The following DAAM1 variants were observed in gnomAD, a reference collection of about 807,000 sequenced individuals.
DAAM1 encodes the protein dishevelled associated activator of morphogenesis 1, also known as disheveled-associated activator of morphogenesis 1.
In DAAM1, 52 loss-of-function variants were observed where a neutral mutation model predicts 130.0. The observed-to-expected ratio is 0.40, with a 90% CI of 0.32 to 0.50. The LOEUF (loss-of-function observed/expected upper bound fraction) is 0.50, where lower values mean the gene tolerates loss of function less well. Among genes scored for constraint, DAAM1 ranks in the 20% least tolerant of loss-of-function variants. The probability of loss-of-function intolerance (pLI) is 0.61; values close to 1 mark genes in which losing one functional copy is unlikely to be tolerated. For missense variants in DAAM1, 1,134 were observed against 1,303.8 expected, an observed-to-expected ratio of 0.87 and a Z score of 2.01; for synonymous variants, 452 against 444.5, an observed-to-expected ratio of 1.02 and a Z score of -0.21.
At chr14:59,367,381 G>A (rs1402590484) in intron 23 of DAAM1, 48 bp from the exon 24 acceptor site, 1 of 1,555,160 alleles carries the variant, frequency 6.4e-7, no homozygotes, top group Admixed American at 1.9e-5. Context: ...ATATTTGATT[G>A]TGGAATTCTC....
At position 59,369,753 on chromosome 14, in the gene DAAM1, T is replaced by TAAAAAAAAA. The variant is rs72238797; in HGVS notation, c.*910_*918dup. 1 of 95,620 alleles carries TAAAAAAAAA rather than the reference T, an allele frequency of 1.0e-5. No individual in the cohort carries two copies. The highest frequency in any genetic ancestry group is 3.8e-4 in the South Asian group (1 of 2,646). 5.9% of individuals were successfully genotyped at this position (95,620 alleles called of 1,614,324 possible). ...AATTCTCTGAAGGGATAAAGATTAC[T>TAAAAAAAAA]AAAAAAAAAAAAAAAAAAAAAAAAT... On this transcript the variant is annotated 3_prime_UTR_variant, in exon 25 of 25. Transcript: ENST00000360909.
At chr14:59,313,182 G>T (rs1235792681) in intron 3 of DAAM1, among the ~76,000 whole-genome samples, 1 of 152,206 alleles carries the variant, frequency 6.6e-6, no homozygotes, top group African/African-American at 2.4e-5. Flanking sequence ...GAGAGTTTTG[G>T]TTCAGAGATG....
chr14:59,286,625 CAAAA>C (rs1883467560), intron 2 of DAAM1, among the ~76,000 whole-genome samples: 1 of 151,874 alleles, frequency 6.6e-6, no homozygotes, highest in Non-Finnish European at 1.5e-5. Context: ...CGGAAACAAA[CAAAA>C]AAATCCTTAG....
intron 2 of DAAM1, among the ~76,000 whole-genome samples, chr14:59,281,197 G>A (rs1883199693): frequency 6.6e-6 from 1 of 152,114 alleles, no homozygotes; most frequent in Non-Finnish European, 1.5e-5. Context: ...TCTACCAGGA[G>A]GACATATCAA....
intron 1 of DAAM1, among the ~76,000 whole-genome samples, chr14:59,201,482 G>T (rs1314195258): frequency 6.6e-6 from 1 of 152,074 alleles, no homozygotes. Flanking sequence ...GGGTGTGGTG[G>T]CTGTTGCCTG....
chr14:59,335,413 C>T (rs1031476926), intron 15 of DAAM1, among the ~76,000 whole-genome samples: 1 of 152,170 alleles, frequency 6.6e-6, no homozygotes, highest in Non-Finnish European at 1.5e-5. Context: ...TACATGATTT[C>T]CAGGTCAGCC....
At chr14:59,320,435 G>A in intron 4 of DAAM1, 55 bp from the exon 5 acceptor site, 1 of 1,402,080 alleles carries the variant, frequency 7.1e-7, no homozygotes, top group East Asian at 2.3e-5. Context: ...TGTCTTGTTT[G>A]TACTGTAATT....
Position 59,347,548 on chromosome 14 carries a change from A to C in DAAM1, c.2085A>C (p.Leu695Phe). 1 of 1,613,702 alleles carries C rather than the reference A, an allele frequency of 6.2e-7. No individual in the cohort carries two copies. The highest frequency in any genetic ancestry group is 8.5e-7 in the Non-Finnish European group (1 of 1,179,714). Residue 695 changes from leucine (L) to phenylalanine (F), a missense_variant, in exon 17 of 25, where the codon TTA becomes TTC. Coordinates refer to ENST00000360909, the MANE Select transcript of DAAM1 (RefSeq NM_001270520.2). The part of the protein sequence containing the change: ...NCNILLSRLK[L>F]SNDEIKRAIL... Reference sequence around the variant, plus strand: ...AATATTCTTTCTCCAGGTTGAAATTATCCAATGACGAAATCAAACGGGCAA... The same window carrying C: ...AATATTCTTTCTCCAGGTTGAAATTCTCCAATGACGAAATCAAACGGGCAA...
intron 1 of DAAM1, among the ~76,000 whole-genome samples, chr14:59,220,596 C>G (rs1012455527): frequency 1.3e-5 from 2 of 152,116 alleles, no homozygotes; most frequent in African/African-American, 4.8e-5. Context: ...CAAGGAGTCC[C>G]GCCATCTGCC....
intron 2 of DAAM1, among the ~76,000 whole-genome samples, chr14:59,270,200 G>A (rs1882647327): frequency 1.3e-5 from 2 of 152,118 alleles, no homozygotes; most frequent in African/African-American, 2.4e-5. Flanking sequence ...TTGCTATAAA[G>A]GGAATACCTG....
rs372530994 is a variant in DAAM1, at chr14:59,357,487, T to C, written c.2526-1910T>C. Among the ~76,000 whole-genome samples the C allele has an allele frequency of 7.2e-5, 11 of 152,120 alleles. No individual in the cohort carries two copies. In the East Asian group the frequency reaches 1.4e-3, roughly 19 times the overall value. On this transcript the variant is annotated intron_variant, in intron 20 of 24. Coordinates refer to ENST00000360909, the MANE Select transcript of DAAM1 (RefSeq NM_001270520.2). ...CAGGTAGGTTCTGTGAAGAGCAAAA[T>C]TGAAATGGAGGCTGGGTGCAGTGGC...
chr14:59,361,170 G>T (rs1408668545), intron 22 of DAAM1, among the ~76,000 whole-genome samples: 2 of 152,154 alleles, frequency 1.3e-5, no homozygotes, highest in Non-Finnish European at 2.9e-5. Context: ...GATCTTCAGG[G>T]ACGCTCTCAG....
chr14:59,246,107 A>G (rs8004164), intron 1 of DAAM1, among the ~76,000 whole-genome samples: 83,337 of 151,994 alleles, frequency 0.55, 22,954 homozygotes, highest in East Asian at 0.66. Flanking sequence ...CCATTTAGCC[A>G]TTTTTCTGTG....
chr14:59,237,920 A>G (rs1012968946), intron 1 of DAAM1, among the ~76,000 whole-genome samples: 3 of 152,220 alleles, frequency 2.0e-5, no homozygotes, highest in African/African-American at 7.2e-5. Flanking sequence ...TCTTGGGGAT[A>G]TAAATGATAA....
At chr14:59,205,105 G>C (rs565521289) in intron 1 of DAAM1, among the ~76,000 whole-genome samples, 1 of 152,242 alleles carries the variant, frequency 6.6e-6, no homozygotes, top group South Asian at 2.1e-4. Context: ...AATCCTCCAT[G>C]TTATTTTGTC....
chr14:59,361,019 G>A (rs529302637), intron 22 of DAAM1, among the ~76,000 whole-genome samples, 157 bp downstream of exon 22: 1 of 152,286 alleles, frequency 6.6e-6, no homozygotes, highest in South Asian at 2.1e-4. Flanking sequence ...GCAAAGGCAG[G>A]TTATGTTCAG....
intron 18 of DAAM1, 59 bp downstream of exon 18, chr14:59,352,691 T>C: frequency 6.9e-7 from 1 of 1,455,272 alleles, no homozygotes; most frequent in Non-Finnish European, 9.4e-7. Flanking sequence ...GCTTCATGAA[T>C]TTTCAATTCA....
chr14:59,288,687 A>G (rs1883570952), intron 2 of DAAM1, among the ~76,000 whole-genome samples: 1 of 152,188 alleles, frequency 6.6e-6, no homozygotes, highest in Non-Finnish European at 1.5e-5. Flanking sequence ...ACTGCAAAGA[A>G]CTACCTGAGA....
intron 2 of DAAM1, among the ~76,000 whole-genome samples, chr14:59,275,550 A>G (rs955780563): frequency 1.9e-4 from 29 of 152,212 alleles, no homozygotes; most frequent in African/African-American, 7.0e-4. Context: ...TTTAGAAAAA[A>G]GCTTATTTTA....
Sources: gnomAD v4.1 joint callset for allele counts (sites outside exome capture counted in the v4.1 genomes callset) on GRCh38, gnomAD v4.1.1 for gene constraint, MANE v1.5 for transcripts, NCBI Gene and HGNC (gene_info 2026-07-23, HGNC 2026-07-21) for gene names.